Variants in CDK14 observed in about 807,000 individuals in gnomAD.
CDK14 encodes cyclin-dependent kinase 14.
Under a neutral mutation model 60.7 loss-of-function variants are expected in CDK14, and 34 were observed. The observed-to-expected ratio is 0.56, with a 90% CI of 0.43 to 0.75. The LOEUF (loss-of-function observed/expected upper bound fraction) is 0.75. Ranked by LOEUF, CDK14 falls within the 30% of genes least tolerant of loss-of-function variation. The pLI, the probability that CDK14 is intolerant of heterozygous loss-of-function variation, is 0.00. For synonymous variants in CDK14, 197 were observed against 203.7 expected (o/e 0.97, Z 0.28); for missense variants, 482 against 564.1 (o/e 0.85, Z 1.47).
intron 6 of CDK14, among the ~76,000 whole-genome samples, chr7:90,867,998 G>A (rs1791242393): frequency 1.3e-5 from 2 of 151,894 alleles, no homozygotes; most frequent in East Asian, 1.9e-4. Context: ...CAGGCTGGTG[G>A]CATGTGCCTG....
chr7:90,956,869 G>GT (rs1182162512), intron 9 of CDK14, among the ~76,000 whole-genome samples: 5 of 151,286 alleles, frequency 3.3e-5, no homozygotes, highest in Admixed American at 2.6e-4. Context: ...GTGGTATTTG[G>GT]TTTTTTGTTC....
At chr7:91,158,894 G>A (rs4728956) in intron 14 of CDK14, among the ~76,000 whole-genome samples, 78,721 of 151,920 alleles carry the variant, frequency 0.52, 20,598 homozygotes, top group Middle Eastern at 0.6. Flanking sequence ...AAGAAAGTGG[G>A]AATTATGTTG....
At chr7:91,138,118 G>A in intron 14 of CDK14, among the ~76,000 whole-genome samples, 1 of 152,148 alleles carries the variant, frequency 6.6e-6, no homozygotes, top group East Asian at 1.9e-4. Context: ...TGTTTTCTTA[G>A]TGAAAAGCAA....
chr7:90,978,949 C>T (rs1795150611), intron 9 of CDK14, among the ~76,000 whole-genome samples: 1 of 151,840 alleles, frequency 6.6e-6, no homozygotes, highest in Non-Finnish European at 1.5e-5. Context: ...ATGACTTTTT[C>T]TATTATTGTG....
intron 2 of CDK14, among the ~76,000 whole-genome samples, chr7:90,608,027 AAAG>A (rs1308149524): frequency 1.3e-5 from 2 of 152,230 alleles, no homozygotes; most frequent in Non-Finnish European, 2.9e-5. Context: ...ATTGAAGGTG[AAAG>A]AAGATTGGTA....
intron 5 of CDK14, among the ~76,000 whole-genome samples, chr7:90,797,681 C>T (rs1394918232): frequency 6.6e-6 from 1 of 151,892 alleles, no homozygotes; most frequent in Non-Finnish European, 1.5e-5. Flanking sequence ...CTGGAGAGGC[C>T]TCAGGAAACT....
intron 10 of CDK14, among the ~76,000 whole-genome samples, chr7:90,986,067 G>GA (rs915131378): frequency 6.6e-6 from 1 of 151,828 alleles, no homozygotes; most frequent in Admixed American, 6.6e-5. Context: ...ATATGTATTT[G>GA]AAAAAATTGA....
rs1437118140 is a variant in CDK14 at position 91,046,526 on chromosome 7, T to TC, written c.1105+567dup. ...TTTTAAAGTAAGTTGTCCTTTTTTT[T>TC]CACCAGTAGGTGTCAGGCGTGAAAC... On this transcript the variant is annotated intron_variant, in intron 11 of 14. Coordinates refer to ENST00000380050, the MANE Select transcript of CDK14 (RefSeq NM_001287135.2). 4.6e-5 allele frequency among the ~76,000 whole-genome samples: 7 copies of TC among 152,292 alleles called. No individual in the cohort carries two copies. The East Asian group carries it at 1.3e-3, about 29-fold the overall frequency.
At chr7:90,977,641 A>G (rs1407491901) in intron 9 of CDK14, among the ~76,000 whole-genome samples, 2 of 152,166 alleles carry the variant, frequency 1.3e-5, no homozygotes, top group East Asian at 3.9e-4. Context: ...AACCTTTGTC[A>G]CATGGCTGAG....
chr7:91,174,958 G>T (rs551673474), intron 14 of CDK14, among the ~76,000 whole-genome samples: 1 of 145,678 alleles, frequency 6.9e-6, no homozygotes, highest in Admixed American at 6.8e-5. Flanking sequence ...TACAGAGAAC[G>T]CCACAAAGAT....
intron 2 of CDK14, among the ~76,000 whole-genome samples, chr7:90,650,133 A>G (rs1563030585): frequency 6.6e-6 from 1 of 152,086 alleles, no homozygotes; most frequent in Non-Finnish European, 1.5e-5. Context: ...GTTTCCTGAC[A>G]TTTTAATGAT....
At chr7:91,123,642 T>TAACAGA (rs1249014590) in intron 14 of CDK14, among the ~76,000 whole-genome samples, 10 of 152,094 alleles carry the variant, frequency 6.6e-5, no homozygotes, top group African/African-American at 2.4e-4. Flanking sequence ...GCTTCCTGTC[T>TAACAGA]ACCCTGGGGA....
chr7:90,873,126 G>C (rs1388644841), intron 6 of CDK14, among the ~76,000 whole-genome samples: 1 of 152,054 alleles, frequency 6.6e-6, no homozygotes, highest in Non-Finnish European at 1.5e-5. Flanking sequence ...CATGATTCAG[G>C]GGGTGGGTGG....
At chr7:90,789,804 A>T (rs977244614) in intron 4 of CDK14, among the ~76,000 whole-genome samples, 1 of 152,162 alleles carries the variant, frequency 6.6e-6, no homozygotes, top group Non-Finnish European at 1.5e-5. Context: ...GTAGGTAGAA[A>T]ATAGAACAGT....
intron 10 of CDK14, among the ~76,000 whole-genome samples, chr7:91,033,089 T>C (rs1007539387): frequency 3.3e-5 from 5 of 152,200 alleles, no homozygotes; most frequent in African/African-American, 4.8e-5. Flanking sequence ...AGGATTTTCA[T>C]TGGCCTCAAG....
chr7:90,668,544 T>G (rs1293851378), intron 2 of CDK14, among the ~76,000 whole-genome samples: 2 of 152,112 alleles, frequency 1.3e-5, no homozygotes, highest in Non-Finnish European at 2.9e-5. Context: ...TTTCTTTTGT[T>G]TGTATTTTTC....
intron 2 of CDK14, chr7:90,709,893 A>G (rs1452368093): frequency 7.7e-6 from 10 of 1,292,470 alleles, no homozygotes; most frequent in Non-Finnish European, 8.9e-6. Context: ...TGGTGCAAAC[A>G]CATTGCTAGA....
At chr7:90,751,027 G>A (rs951479725) in intron 4 of CDK14, among the ~76,000 whole-genome samples, 3 of 151,928 alleles carry the variant, frequency 2.0e-5, no homozygotes, top group Non-Finnish European at 4.4e-5. Context: ...AGAAATATGG[G>A]ATAATGTAAA....
Position 90,889,791 on chromosome 7 carries a change from A to G in CDK14, c.640-9500A>G, listed in dbSNP as rs571382672. 7.9e-5 allele frequency among the ~76,000 whole-genome samples: 12 copies of G among 152,326 alleles called. No homozygotes were observed. In the East Asian group the frequency reaches 2.1e-3, roughly 27 times the overall value. ...ATGTGTCAAATAAGTCTATACAGGA[A>G]CAGTGGAATACTTGAGAATAACATA... On this transcript the variant is annotated intron_variant, in intron 6 of 14. Transcript: ENST00000380050.
Sources: allele counts gnomAD v4.1 joint callset (sites outside exome capture counted in the v4.1 genomes callset), GRCh38; gene constraint gnomAD v4.1.1; transcripts MANE v1.5; gene names NCBI Gene and HGNC (gene_info 2026-07-23, HGNC 2026-07-21).